The following AKTIP variants were observed in gnomAD, a reference collection of about 807,000 sequenced individuals.
The protein encoded by AKTIP is AKT-interacting protein.
A neutral mutation model predicts 39.1 loss-of-function variants in AKTIP; 16 were observed. That is an observed-to-expected ratio of 0.41 (90% confidence interval 0.28 to 0.62). The LOEUF (loss-of-function observed/expected upper bound fraction) is 0.62, where lower values mean the gene tolerates loss of function less well. Among genes scored for constraint, AKTIP ranks in the 20% least tolerant of loss-of-function variants. AKTIP has a pLI of 0.32. For missense variants in AKTIP, 262 were observed against 356.6 expected, an observed-to-expected ratio of 0.73 and a Z score of 2.14; for synonymous variants, 93 against 124.3, an observed-to-expected ratio of 0.75 and a Z score of 1.67.
intron 8 of AKTIP, 132 bp downstream of exon 8, chr16:53,494,006 A>G (rs1394449806): frequency 1.5e-6 from 1 of 666,830 alleles, no homozygotes; most frequent in African/African-American, 1.8e-5. Flanking sequence ...AGTTGGCACC[A>G]AGTTATAAAG....
upstream of AKTIP, among the ~76,000 whole-genome samples, chr16:53,503,486 G>A (rs1034299544): frequency 5.3e-5 from 8 of 152,210 alleles, no homozygotes; most frequent in Non-Finnish European, 7.3e-5. Flanking sequence ...CAGCGCCTGG[G>A]ACGGCCTGTC....
rs1961750385 is a variant in AKTIP at position 53,495,131 on chromosome 16, T to C, written c.356A>G (p.Asp119Gly). The C allele has an allele frequency of 6.2e-7, 1 of 1,614,048 alleles. No homozygotes were observed. Among genetic ancestry groups the C allele is most frequent in the South Asian group, 1.1e-5 (1 of 91,082 alleles). The change falls in exon 5 of 10, where the codon GAT (aspartate) becomes GGT (glycine). Residue 119 changes from aspartate (D) to glycine (G), a missense_variant. Transcript: ENST00000394657. The stretch of plus-strand genomic sequence containing the variant: ...GTAAACTGTAAACTTAAATACGCCA[T>C]CTTGGTAAAGTCCATGCCGTATGAA... ...VIFIRHGLYQ[D>G]GVFKFTVYIP...
rs376580740 is a variant in AKTIP at position 53,492,418 on chromosome 16, C to T, written c.873G>A (p.Ala291=). 40 of 1,611,960 alleles carry T rather than the reference C, an allele frequency of 2.5e-5. No homozygotes were observed. The highest frequency in any genetic ancestry group is 3.1e-5 in the Non-Finnish European group (36 of 1,179,860). ...GCACCAGATTCACCATCTCTTAAGT[C>T]GCCACTGTTTTCTCTTCTTTACTGA... ...QPFSKEEKTV[A]T is the part of the protein sequence containing the mutation. Residue 291 remains alanine, a synonymous_variant, in exon 10 of 10, where the codon GCG becomes GCA. Coordinates refer to ENST00000394657, the MANE Select transcript of AKTIP (RefSeq NM_022476.4).
chr16:53,504,132 C>T (rs1197616899), upstream of AKTIP, among the ~76,000 whole-genome samples: 4 of 149,614 alleles, frequency 2.7e-5, no homozygotes, highest in Non-Finnish European at 5.9e-5. Flanking sequence ...CTCATTTGGA[C>T]CTCCCGTCTG....
chr16:53,492,407 A>ATCTC lies in AKTIP; in HGVS notation c.*1_*4dup, dbSNP rs771805580. 1 of 1,611,532 alleles carries ATCTC rather than the reference A, an allele frequency of 6.2e-7. No individual in the cohort carries two copies. The highest frequency in any genetic ancestry group is 8.5e-7 in the Non-Finnish European group (1 of 1,179,502). On this transcript the variant is annotated 3_prime_UTR_variant, in exon 10 of 10. Coordinates refer to ENST00000394657, the MANE Select transcript of AKTIP (RefSeq NM_022476.4). ...AAGTGCATGGTGCACCAGATTCACCATCTCTTAAGTCGCCACTGTTTTCTC... is the reference window on the plus strand; with the variant it reads ...AAGTGCATGGTGCACCAGATTCACCATCTCTCTCTTAAGTCGCCACTGTTTTCTC...
chr16:53,502,207 T>G (rs1962207673), intron 1 of AKTIP, among the ~76,000 whole-genome samples: 1 of 152,232 alleles, frequency 6.6e-6, no homozygotes. Flanking sequence ...TATGGATCTT[T>G]TAATCCAATG....
At chr16:53,493,506 C>T (rs1305506882) in intron 8 of AKTIP, 1 of 153,240 alleles carries the variant, frequency 6.5e-6, no homozygotes, top group Non-Finnish European at 1.5e-5. Context: ...GGGGTTTGGC[C>T]ATATTGGTCA....
intron 3 of AKTIP, among the ~76,000 whole-genome samples, chr16:53,497,428 C>A (rs371575151): frequency 6.6e-6 from 1 of 152,204 alleles, no homozygotes; most frequent in African/African-American, 2.4e-5. Context: ...GAATAAGATC[C>A]TTCCTTGTGA....
chr16:53,496,587 T>G (rs988842358), intron 3 of AKTIP, among the ~76,000 whole-genome samples: 12 of 151,042 alleles, frequency 7.9e-5, no homozygotes, highest in Non-Finnish European at 1.3e-4. Context: ...TCTCAGCCCT[T>G]TGGGAGGCGC....
chr16:53,492,207 C>T lies in AKTIP; in HGVS notation c.*205G>A. ...TTGGAGTACTGAACTAGATAACCAC[C>T]CTAAGACACTTCTGACAGAAGTAAT... On this transcript the variant is annotated 3_prime_UTR_variant, in exon 10 of 10. Coordinates refer to ENST00000394657, the MANE Select transcript of AKTIP (RefSeq NM_022476.4). 1 of 548,910 alleles carries T rather than the reference C, an allele frequency of 1.8e-6. No individual in the cohort carries two copies. Among genetic ancestry groups the T allele is most frequent in the Non-Finnish European group, 3.2e-6 (1 of 308,106 alleles). The allele number at this position is 548,910 out of a possible 1,614,324, so 34.0% of individuals were successfully genotyped here. A position where few individuals can be genotyped will look rare whatever the true frequency, so the allele number is the denominator to read the frequency against.
chr16:53,495,433 T>A, intron 3 of AKTIP, 107 bp from the exon 4 acceptor site: 5 of 1,025,780 alleles, frequency 4.9e-6, no homozygotes, highest in South Asian at 1.4e-5. Context: ...AATGGGCAGC[T>A]GATGCCCAAA....
intron 3 of AKTIP, among the ~76,000 whole-genome samples, chr16:53,496,523 TA>T (rs35572038): frequency 0.013 from 1,821 of 141,632 alleles, 42 homozygotes; most frequent in African/African-American, 0.044. Flanking sequence ...TTTTTTGGTT[TA>T]AAAAAAAAAA....
intron 8 of AKTIP, chr16:53,493,110 C>G (rs1050922047): frequency 5.1e-5 from 11 of 217,318 alleles, no homozygotes; most frequent in Non-Finnish European, 1.0e-4. Flanking sequence ...AGTTCTGTCA[C>G]CCAGGCTGGA....
In AKTIP at chr16:53,492,410, T is replaced by C. The variant is rs1961540248; in HGVS notation, c.*2A>G. 1 of 1,611,810 alleles carries C rather than the reference T, an allele frequency of 6.2e-7. No homozygotes were observed. The highest frequency in any genetic ancestry group is 1.3e-5 in the African/African-American group (1 of 74,846). On this transcript the variant is annotated 3_prime_UTR_variant, in exon 10 of 10. Transcript: ENST00000394657. ...TGCATGGTGCACCAGATTCACCATC[T>C]CTTAAGTCGCCACTGTTTTCTCTTC...
In AKTIP at chr16:53,496,837, T is replaced by C. The variant is rs146330881; in HGVS notation, c.249-1511A>G. On this transcript the variant is annotated intron_variant, in intron 3 of 9. Coordinates refer to ENST00000394657, the MANE Select transcript of AKTIP (RefSeq NM_022476.4). The stretch of plus-strand genomic sequence containing the variant: ...GCCTGGGTGACACAGTGAGACTCCA[T>C]CTCAAAAAAAAGAAAAAAAGATGAG... Among the ~76,000 whole-genome samples, 992 of 151,966 alleles carry C rather than the reference T, an allele frequency of 6.5e-3. 7 individuals carry two copies. Among genetic ancestry groups the C allele is most frequent in the African/African-American group, 0.023 (939 of 41,452 alleles).
At position 53,491,426 on chromosome 16, in the gene AKTIP, T is replaced by C. The variant is rs1961446296; in HGVS notation, c.*986A>G. The C allele has an allele frequency of 2.0e-5, 3 of 152,378 alleles. No individual in the cohort carries two copies. The highest frequency in any genetic ancestry group is 7.2e-5 in the African/African-American group (3 of 41,456). 9.4% of individuals were successfully genotyped at this position (152,378 alleles called of 1,614,324 possible). On this transcript the variant is annotated 3_prime_UTR_variant, in exon 10 of 10. Coordinates refer to ENST00000394657, the MANE Select transcript of AKTIP (RefSeq NM_022476.4). ...ATTAATCACTATTGTTCCAGCAGTTTTCAAGTCAAATTAATAATCTTATTA... is the reference window on the plus strand; with the variant it reads ...ATTAATCACTATTGTTCCAGCAGTTCTCAAGTCAAATTAATAATCTTATTA...
chr16:53,496,057 GACCCAGTT>G (rs1961813443), intron 3 of AKTIP, among the ~76,000 whole-genome samples: 1 of 152,126 alleles, frequency 6.6e-6, no homozygotes, highest in South Asian at 2.1e-4. Context: ...GTTCTTCTGG[GACCCAGTT>G]ACCCACCCAC....
intron 1 of AKTIP, 99 bp downstream of exon 1, chr16:53,503,047 AG>A (rs1405177870): frequency 6.6e-6 from 1 of 152,296 alleles, no homozygotes; most frequent in Non-Finnish European, 1.5e-5. Context: ...GCGAGCGCCT[AG>A]AAAGATGGAC....
intron 1 of AKTIP, chr16:53,501,355 A>G (rs1273111335): frequency 6.6e-6 from 1 of 152,252 alleles, no homozygotes; most frequent in Non-Finnish European, 1.5e-5. Context: ...ACAAGTACAG[A>G]TCTTCCAGCC....
Sources: allele counts gnomAD v4.1 joint callset (sites outside exome capture counted in the v4.1 genomes callset), GRCh38; gene constraint gnomAD v4.1.1; transcripts MANE v1.5; gene names NCBI Gene and HGNC (gene_info 2026-07-23, HGNC 2026-07-21).